SLC9A9: variants seen among roughly 807,000 people sequenced by gnomAD.
SLC9A9 encodes sodium/hydrogen exchanger 9.
In SLC9A9, 62 loss-of-function variants were observed where a neutral mutation model predicts 77.8. The observed-to-expected ratio is 0.80, with a 90% CI of 0.65 to 0.98. The LOEUF (loss-of-function observed/expected upper bound fraction) is 0.98. Among genes scored for constraint, SLC9A9 ranks in the 50% least tolerant of loss-of-function variants. The pLI is 0.00. For synonymous variants in SLC9A9, 320 were observed against 283.5 expected (o/e 1.13, Z -1.29); for missense variants, 775 against 774.9 (o/e 1.00, Z 0.00).
intron 4 of SLC9A9, among the ~76,000 whole-genome samples, chr3:143,762,028 C>A (rs979284731): frequency 1.3e-5 from 2 of 152,184 alleles, no homozygotes; most frequent in Non-Finnish European, 2.9e-5. Context: ...AGGATGGGTT[C>A]ATGTCCTTTG....
chr3:143,756,738 T>C (rs1444592052), intron 4 of SLC9A9, among the ~76,000 whole-genome samples: 2 of 152,174 alleles, frequency 1.3e-5, no homozygotes, highest in African/African-American at 2.4e-5. Context: ...TAGACTTCAA[T>C]ATCAGCTCAA....
chr3:143,546,611 A>G (rs1196784103), intron 9 of SLC9A9, among the ~76,000 whole-genome samples: 3 of 152,190 alleles, frequency 2.0e-5, no homozygotes, highest in East Asian at 1.9e-4. Context: ...AATAAATGAT[A>G]CCCCACAATT....
At chr3:143,842,191 T>C (rs2009724555) in intron 1 of SLC9A9, among the ~76,000 whole-genome samples, 1 of 152,118 alleles carries the variant, frequency 6.6e-6, no homozygotes, top group African/African-American at 2.4e-5. Flanking sequence ...CCATCCTGGC[T>C]AACACAGTGA....
chr3:143,551,147 T>A (rs921326111), intron 9 of SLC9A9, among the ~76,000 whole-genome samples: 1 of 152,126 alleles, frequency 6.6e-6, no homozygotes, highest in African/African-American at 2.4e-5. Context: ...GGGGTGGATG[T>A]GTCTAGAAGC....
intron 5 of SLC9A9, among the ~76,000 whole-genome samples, chr3:143,664,116 AC>A (rs1288450044): frequency 6.6e-6 from 1 of 152,208 alleles, no homozygotes; most frequent in Non-Finnish European, 1.5e-5. Flanking sequence ...ATCCCAACAG[AC>A]TAACAGCGGA....
intron 4 of SLC9A9, among the ~76,000 whole-genome samples, chr3:143,725,428 C>T (rs1560050505): frequency 1.3e-5 from 2 of 152,030 alleles, no homozygotes; most frequent in Admixed American, 6.6e-5. Context: ...TATAAAGACA[C>T]ATGCACACGT....
intron 8 of SLC9A9, among the ~76,000 whole-genome samples, chr3:143,570,605 T>C (rs1360897672): frequency 6.6e-6 from 1 of 152,200 alleles, no homozygotes; most frequent in Non-Finnish European, 1.5e-5. Context: ...CAATAAATTA[T>C]GGCAAGTTCA....
chr3:143,464,425 A>G (rs1451690657), intron 12 of SLC9A9, among the ~76,000 whole-genome samples: 3 of 152,258 alleles, frequency 2.0e-5, no homozygotes, highest in Non-Finnish European at 4.4e-5. Context: ...GTATACACAC[A>G]GTGACATAGT....
intron 14 of SLC9A9, among the ~76,000 whole-genome samples, chr3:143,320,435 G>T (rs1237707407): frequency 6.6e-6 from 1 of 152,208 alleles, no homozygotes; most frequent in East Asian, 1.9e-4. Flanking sequence ...AAAGAAAAGA[G>T]GTTTAGTTGG....
chr3:143,621,482 G>A lies in SLC9A9; in HGVS notation c.755+30773C>T, dbSNP rs1454488244. Among the ~76,000 whole-genome samples the A allele has an allele frequency of 2.6e-5, 4 of 152,314 alleles. No individual in the cohort carries two copies. The Middle Eastern group carries it at 0.01, about 389-fold the overall frequency. On this transcript the variant is annotated intron_variant, in intron 6 of 15. Transcript: ENST00000316549. ...CAATATCCGCTGTTCTGCAGCCTCC[G>A]CTGCTGATACCCAGGCAAACAGGGT...
At chr3:143,722,196 G>A (rs781619032) in intron 4 of SLC9A9, among the ~76,000 whole-genome samples, 3 of 152,220 alleles carry the variant, frequency 2.0e-5, no homozygotes, top group South Asian at 2.1e-4. Flanking sequence ...ATCATTGGCC[G>A]GGCGCGGTGG....
At chr3:143,690,013 T>C (rs1287132764) in intron 5 of SLC9A9, among the ~76,000 whole-genome samples, 1 of 151,978 alleles carries the variant, frequency 6.6e-6, no homozygotes, top group Non-Finnish European at 1.5e-5. Context: ...AACATTATTA[T>C]ATATTGACTT....
At chr3:143,537,009 C>T (rs2036601252) in intron 9 of SLC9A9, among the ~76,000 whole-genome samples, 1 of 152,160 alleles carries the variant, frequency 6.6e-6, no homozygotes. Context: ...ATTTTTTAAA[C>T]TCTCTAGAGT....
intron 14 of SLC9A9, among the ~76,000 whole-genome samples, chr3:143,322,291 G>T (rs1294579124): frequency 3.3e-5 from 5 of 152,172 alleles, no homozygotes; most frequent in South Asian, 4.1e-4. Flanking sequence ...GACCTCACCA[G>T]TTGAAGGCCA....
rs767716984 is a variant in SLC9A9 at position 143,495,330 on chromosome 3, G to T, written c.1203+5C>A. On this transcript the variant is annotated splice_donor_5th_base_variant and intron_variant, in intron 10 of 15. Coordinates refer to ENST00000316549, the MANE Select transcript of SLC9A9 (RefSeq NM_173653.4). ...TCACCCCATGTTCTGTATTTCAAAG[G>T]ATACAAAGGCTCCAAGTATAAAAAG... 6.3e-7 allele frequency: 1 copy of T among 1,599,478 alleles called. No individual in the cohort carries two copies. Among genetic ancestry groups the T allele is most frequent in the Non-Finnish European group, 8.6e-7 (1 of 1,166,716 alleles).
chr3:143,602,314 G>A (rs1301807680), intron 6 of SLC9A9, among the ~76,000 whole-genome samples: 3 of 152,270 alleles, frequency 2.0e-5, no homozygotes, highest in East Asian at 3.9e-4. Flanking sequence ...CATCAGCTAA[G>A]GTTCTGGCTC....
rs537788029 is a variant in SLC9A9, at chr3:143,749,027, C to A, written c.533+45974G>T. Among the ~76,000 whole-genome samples, 10 of 152,220 alleles carry A rather than the reference C, an allele frequency of 6.6e-5. No homozygotes were observed. In the South Asian group the frequency reaches 1.2e-3, roughly 19 times the overall value. ...CTGACCAAGCTTTTTAACTGAACTT[C>A]AAGTCTTTTTTTTTCTAGACCTTAA... is the stretch of plus-strand genomic sequence containing the variant. On this transcript the variant is annotated intron_variant, in intron 4 of 15. Coordinates refer to ENST00000316549, the MANE Select transcript of SLC9A9 (RefSeq NM_173653.4).
At chr3:143,555,520 A>C (rs1017240470) in intron 8 of SLC9A9, among the ~76,000 whole-genome samples, 3 of 152,324 alleles carry the variant, frequency 2.0e-5, no homozygotes, top group Admixed American at 6.5e-5. Context: ...AACAAGTAAG[A>C]CACTAAAGTA....
intron 4 of SLC9A9, among the ~76,000 whole-genome samples, chr3:143,774,864 T>C (rs1318107220): frequency 6.6e-6 from 1 of 152,214 alleles, no homozygotes; most frequent in Non-Finnish European, 1.5e-5. Context: ...GGACCCTGTC[T>C]GCTTCGCCTC....
Sources: gnomAD v4.1 joint callset for allele counts (sites outside exome capture counted in the v4.1 genomes callset) on GRCh38, gnomAD v4.1.1 for gene constraint, MANE v1.5 for transcripts, NCBI Gene and HGNC (gene_info 2026-07-23, HGNC 2026-07-21) for gene names.